Variants in CDH12 observed in about 807,000 individuals in gnomAD.
CDH12 encodes the protein cadherin-12.
Under a neutral mutation model 74.1 loss-of-function variants are expected in CDH12, and 41 were observed. The ratio of observed to expected loss-of-function variants is 0.55; its 90% CI spans 0.43 to 0.72. CDH12 has a LOEUF of 0.72. Among genes scored for constraint, CDH12 ranks in the 30% least tolerant of loss-of-function variants. CDH12 has a pLI of 0.00. For synonymous variants in CDH12, 399 were observed against 355.0 expected (o/e 1.12, Z -1.39); for missense variants, 945 against 977.2 (o/e 0.97, Z 0.44).
chr5:21,850,601 C>T (rs1279519488), intron 7 of CDH12, among the ~76,000 whole-genome samples: 5 of 151,348 alleles, frequency 3.3e-5, no homozygotes, highest in African/African-American at 4.8e-5. Flanking sequence ...AGAATAATAT[C>T]GGTCAAGCTA....
At chr5:21,794,438 T>C (rs746919466) in intron 10 of CDH12, among the ~76,000 whole-genome samples, 3 of 151,756 alleles carry the variant, frequency 2.0e-5, no homozygotes, top group African/African-American at 4.8e-5. Context: ...ACACGCAGTA[T>C]ACCACAGTTG....
chr5:22,522,981 T>C (rs1187523359), intron 1 of CDH12, among the ~76,000 whole-genome samples: 2 of 152,166 alleles, frequency 1.3e-5, no homozygotes, highest in African/African-American at 2.4e-5. Context: ...TCAGACATCA[T>C]ACCTCATGCA....
intron 4 of CDH12, among the ~76,000 whole-genome samples, chr5:22,124,419 C>T (rs1010796719): frequency 2.6e-5 from 4 of 152,244 alleles, no homozygotes; most frequent in South Asian, 4.1e-4. Flanking sequence ...CCACCATGCC[C>T]GGCCTTGCTT....
chr5:22,246,200 T>C (rs1371350414), intron 3 of CDH12, among the ~76,000 whole-genome samples: 1 of 152,172 alleles, frequency 6.6e-6, no homozygotes, highest in Non-Finnish European at 1.5e-5. Flanking sequence ...TCAGTGTTAA[T>C]TAATTTAAGT....
intron 5 of CDH12, among the ~76,000 whole-genome samples, chr5:22,036,271 C>T (rs1012075801): frequency 6.6e-6 from 1 of 152,064 alleles, no homozygotes; most frequent in Non-Finnish European, 1.5e-5. Context: ...ATGTGAAATG[C>T]TAAAGAGGAA....
chr5:22,844,609 A>G (rs561486187), intron 1 of CDH12, among the ~76,000 whole-genome samples: 1 of 152,034 alleles, frequency 6.6e-6, no homozygotes, highest in Non-Finnish European at 1.5e-5. Context: ...GGAACACTGC[A>G]TTTGTGACAT....
intron 1 of CDH12, among the ~76,000 whole-genome samples, chr5:22,832,565 G>A (rs1736666125): frequency 6.6e-6 from 1 of 152,122 alleles, no homozygotes. Context: ...GTCAATGAGA[G>A]ACACCCCTGA....
intron 1 of CDH12, among the ~76,000 whole-genome samples, chr5:22,659,882 T>C (rs1740256719): frequency 6.6e-6 from 1 of 152,146 alleles, no homozygotes; most frequent in African/African-American, 2.4e-5. Context: ...ATCAACAAAA[T>C]GGATTTATGA....
At chr5:22,324,069 C>T (rs546349687) in intron 3 of CDH12, among the ~76,000 whole-genome samples, 1 of 152,076 alleles carries the variant, frequency 6.6e-6, no homozygotes, top group Non-Finnish European at 1.5e-5. Flanking sequence ...CATAGGCATA[C>T]AACACATTTA....
At chr5:22,566,104 A>T (rs1173012236) in intron 1 of CDH12, among the ~76,000 whole-genome samples, 1 of 152,196 alleles carries the variant, frequency 6.6e-6, no homozygotes, top group African/African-American at 2.4e-5. Flanking sequence ...TAGATTAATT[A>T]CTTGGTATTT....
intron 3 of CDH12, among the ~76,000 whole-genome samples, chr5:22,356,920 G>C (rs916133831): frequency 2.6e-4 from 40 of 152,168 alleles, no homozygotes; most frequent in African/African-American, 9.4e-4. Flanking sequence ...ATTTTTAAAA[G>C]TACAGCTTCA....
Position 21,975,712 on chromosome 5 carries a change from AT to A in CDH12, c.232-328del, listed in dbSNP as rs1182321807. On this transcript the variant is annotated intron_variant, in intron 5 of 14. Coordinates refer to ENST00000382254, the MANE Select transcript of CDH12 (RefSeq NM_004061.5). ...CTTCTGTTCATCCTTCTCTTAACCC[AT>A]TTTTTTTTGAGGTGTTACGAAGATC... 5.4e-3 allele frequency among the ~76,000 whole-genome samples: 818 copies of A among 150,888 alleles called. 11 individuals carry two copies. The highest frequency in any genetic ancestry group is 0.018 in the African/African-American group (761 of 41,172).
In CDH12 at chr5:22,499,050, C is replaced by G. The variant is rs116486035; in HGVS notation, c.-428+6220G>C. On this transcript the variant is annotated intron_variant, in intron 2 of 14. Transcript: ENST00000382254. ...TCTCAAGTACCGGGGATTACAGGCA[C>G]CTGCTACCATACCCGGCTAATTTTT... 6.1e-3 allele frequency among the ~76,000 whole-genome samples: 920 copies of G among 151,292 alleles called. 9 individuals are homozygous for G. Among genetic ancestry groups the G allele is most frequent in the African/African-American group, 0.022 (891 of 41,214 alleles).
At chr5:22,389,483 A>C (rs574993373) in intron 3 of CDH12, among the ~76,000 whole-genome samples, 1 of 152,140 alleles carries the variant, frequency 6.6e-6, no homozygotes, top group African/African-American at 2.4e-5. Flanking sequence ...TTGAAGAGTA[A>C]GAAGTCTTTA....
At chr5:22,519,542 G>A (rs1275066043) in intron 1 of CDH12, among the ~76,000 whole-genome samples, 1 of 150,984 alleles carries the variant, frequency 6.6e-6, no homozygotes, top group Non-Finnish European at 1.5e-5. Context: ...TCCTGCCTCA[G>A]CCTCCTGAGT....
intron 5 of CDH12, among the ~76,000 whole-genome samples, chr5:22,025,926 C>G (rs1738319723): frequency 6.6e-6 from 1 of 152,086 alleles, no homozygotes; most frequent in South Asian, 2.1e-4. Flanking sequence ...CTTCAGGCTC[C>G]ACTTCTAATT....
chr5:21,923,031 T>A lies in CDH12; in HGVS notation c.526+52060A>T, dbSNP rs7736965. 2.0e-5 allele frequency among the ~76,000 whole-genome samples: 3 copies of A among 151,930 alleles called. No homozygotes were observed. The East Asian group carries it at 5.8e-4, about 29-fold the overall frequency. ...ACGCACCCACGTACACACTCTCCAATAGGTCAATTTAAACACATATTTAAG... is the reference window on the plus strand; with the variant it reads ...ACGCACCCACGTACACACTCTCCAAAAGGTCAATTTAAACACATATTTAAG... On this transcript the variant is annotated intron_variant, in intron 6 of 14. Coordinates refer to ENST00000382254, the MANE Select transcript of CDH12 (RefSeq NM_004061.5).
intron 3 of CDH12, among the ~76,000 whole-genome samples, chr5:22,244,392 G>C (rs1752844796): frequency 1.3e-5 from 2 of 149,840 alleles, no homozygotes; most frequent in African/African-American, 2.5e-5. Flanking sequence ...CTACTAGGGA[G>C]GATGAGGCAC....
rs368752822 is a variant in CDH12, at chr5:21,765,288, C to A, written c.1394-189G>T. On this transcript the variant is annotated intron_variant, in intron 11 of 14. Transcript: ENST00000382254. The stretch of plus-strand genomic sequence containing the variant: ...TCCTTTTTATCTTTAGAATTCAATA[C>A]CAAAGTAAGGCCAACTATTTAATTG... 5.9e-5 allele frequency among the ~76,000 whole-genome samples: 9 copies of A among 152,126 alleles called. No individual in the cohort carries two copies. The East Asian group carries it at 1.5e-3, about 26-fold the overall frequency.
Sources: gnomAD v4.1 joint callset for allele counts (sites outside exome capture counted in the v4.1 genomes callset) on GRCh38, gnomAD v4.1.1 for gene constraint, MANE v1.5 for transcripts, NCBI Gene and HGNC (gene_info 2026-07-23, HGNC 2026-07-21) for gene names.